Variants in RBPJ observed in about 807,000 individuals in gnomAD.
RBPJ encodes the protein recombination signal binding protein for immunoglobulin kappa J region.
Under a neutral mutation model 67.8 loss-of-function variants are expected in RBPJ, and 9 were observed. The observed-to-expected ratio is 0.13, with a 90% CI of 0.08 to 0.23. The LOEUF (loss-of-function observed/expected upper bound fraction) is 0.23. Among genes scored for constraint, RBPJ ranks in the 10% least tolerant of loss-of-function variants. RBPJ has a pLI of 1.00. For synonymous variants in RBPJ, 198 were observed against 203.3 expected (o/e 0.97, Z 0.22); for missense variants, 305 against 595.6 (o/e 0.51, Z 5.08).
intron 1 of RBPJ, among the ~76,000 whole-genome samples, chr4:26,231,356 A>G (rs1719276691): frequency 6.6e-6 from 1 of 151,806 alleles, no homozygotes; most frequent in Non-Finnish European, 1.5e-5. Context: ...AGAACATATG[A>G]TCCAAAAGGA....
chr4:26,194,855 A>G (rs1717694280), intron 1 of RBPJ, among the ~76,000 whole-genome samples: 1 of 152,148 alleles, frequency 6.6e-6, no homozygotes, highest in South Asian at 2.1e-4. Flanking sequence ...CTGGTTTTGC[A>G]CACCCTCCTA....
intron 1 of RBPJ, among the ~76,000 whole-genome samples, chr4:26,177,940 C>A (rs867079843): frequency 6.6e-6 from 1 of 152,206 alleles, no homozygotes; most frequent in African/African-American, 2.4e-5. Context: ...TTTAACCTAA[C>A]AAATCATAAA....
In RBPJ at chr4:26,430,132, G is replaced by C; in HGVS notation, c.1044+79G>C. 1.3e-6 allele frequency: 2 copies of C among 1,491,880 alleles called. No individual in the cohort carries two copies. The highest frequency in any genetic ancestry group is 1.9e-6 in the Non-Finnish European group (2 of 1,073,504). 92.4% of individuals were successfully genotyped at this position (1,491,880 alleles called of 1,614,324 possible). On this transcript the variant is annotated intron_variant, in intron 9 of 10. Coordinates refer to ENST00000355476, the MANE Select transcript of RBPJ (RefSeq NM_015874.6). The surrounding 1 kb of genome is among the most constrained non-coding windows in gnomAD (Gnocchi z 4.1). ...GTGACCTGGCATCATTTCATTTCAT[G>C]GGAGTTTTGATTTTTCTCCAATCGT... is the stretch of plus-strand genomic sequence containing the variant.
chr4:26,297,345 T>TGC (rs1342341014), intron 1 of RBPJ, among the ~76,000 whole-genome samples: 1 of 138,222 alleles, frequency 7.2e-6, no homozygotes, highest in Admixed American at 8.3e-5. Flanking sequence ...TGTGTGTGTG[T>TGC]GTGTGTGTGT....
At chr4:26,387,981 C>A (rs2725325) in intron 2 of RBPJ, among the ~76,000 whole-genome samples, 83,737 of 151,836 alleles carry the variant, frequency 0.55, 23,347 homozygotes, top group Admixed American at 0.65. Context: ...TACCAGAACA[C>A]AGCTCAAGAA....
chr4:26,285,743 G>C (rs1407043932), intron 1 of RBPJ, among the ~76,000 whole-genome samples: 1 of 141,734 alleles, frequency 7.1e-6, no homozygotes, highest in African/African-American at 2.8e-5. Flanking sequence ...GTTTCCTGAA[G>C]CATCTTCCAA....
the RBPJ span, among the ~76,000 whole-genome samples, chr4:26,145,965 T>G: frequency 6.6e-6 from 1 of 152,154 alleles, no homozygotes; most frequent in African/African-American, 2.4e-5. Flanking sequence ...AGAGACAGGA[T>G]CTCACTCTGC....
chr4:26,343,739 CTTTTTT>C (rs71186404), intron 1 of RBPJ, among the ~76,000 whole-genome samples: 14 of 55,834 alleles, frequency 2.5e-4, no homozygotes, highest in Admixed American at 1.6e-3. Flanking sequence ...TTTCTTTCTT[CTTTTTT>C]TTTTTTTTTT....
intron 1 of RBPJ, among the ~76,000 whole-genome samples, chr4:26,270,122 C>T (rs1720829970): frequency 6.6e-6 from 1 of 151,258 alleles, no homozygotes; most frequent in South Asian, 2.1e-4. Context: ...CCTCTACTAA[C>T]AATACAAAGC....
At chr4:26,385,699 T>C (rs1464884561) in intron 1 of RBPJ, among the ~76,000 whole-genome samples, 1 of 152,196 alleles carries the variant, frequency 6.6e-6, no homozygotes, top group Admixed American at 6.5e-5. Context: ...TTTGTGACAT[T>C]GGGCTTGTTG....
intron 1 of RBPJ, among the ~76,000 whole-genome samples, chr4:26,262,930 T>C (rs571438949): frequency 6.6e-6 from 1 of 152,336 alleles, no homozygotes; most frequent in East Asian, 1.9e-4. Context: ...TTACCATTCA[T>C]TTATGTTTCA....
chr4:26,393,655 G>A (rs1412172583), intron 2 of RBPJ, among the ~76,000 whole-genome samples: 2 of 152,212 alleles, frequency 1.3e-5, no homozygotes, highest in South Asian at 2.1e-4. Context: ...GATTACAGGC[G>A]AGAGCCACCA....
intron 2 of RBPJ, among the ~76,000 whole-genome samples, chr4:26,402,981 C>T (rs1461703690): frequency 6.6e-6 from 1 of 152,198 alleles, no homozygotes; most frequent in Non-Finnish European, 1.5e-5. Flanking sequence ...TTCCTGTCCC[C>T]TACTATCTTC....
chr4:26,187,867 CA>C (rs1013483540), intron 1 of RBPJ, among the ~76,000 whole-genome samples: 8 of 147,526 alleles, frequency 5.4e-5, no homozygotes, highest in Admixed American at 6.8e-5. Context: ...ACTAAAAATA[CA>C]AAAAAAAAAT....
At chr4:26,293,916 C>T (rs1173869108) in intron 1 of RBPJ, among the ~76,000 whole-genome samples, 1 of 151,978 alleles carries the variant, frequency 6.6e-6, no homozygotes, top group Non-Finnish European at 1.5e-5. Flanking sequence ...TGCCACCACA[C>T]TCAGCTAATT....
Position 26,409,960 on chromosome 4 carries a change from G to A in RBPJ, c.155+3690G>A, listed in dbSNP as rs73810229. The A allele has an allele frequency of 2.1e-3, 893 of 420,332 alleles. 12 individuals are homozygous for A. The highest frequency in any genetic ancestry group is 0.018 in the African/African-American group (844 of 47,994). 26.0% of individuals were successfully genotyped at this position (420,332 alleles called of 1,614,324 possible). On this transcript the variant is annotated intron_variant, in intron 3 of 10. Transcript: ENST00000355476. ...TCCTATATTTTTACTGATTTGTATT[G>A]TTAAAAATTTCAAAGTAGACCTGCA...
chr4:26,221,799 C>T (rs1233804931), intron 1 of RBPJ, among the ~76,000 whole-genome samples: 1 of 152,114 alleles, frequency 6.6e-6, no homozygotes, highest in Non-Finnish European at 1.5e-5. Context: ...AATAGCTAGA[C>T]GAGAATAATT....
chr4:26,270,700 A>C (rs1720890967), intron 1 of RBPJ, among the ~76,000 whole-genome samples: 1 of 151,928 alleles, frequency 6.6e-6, no homozygotes, highest in Non-Finnish European at 1.5e-5. Flanking sequence ...TCCAGTTAGC[A>C]TGGAGGGTTT....
intron 1 of RBPJ, among the ~76,000 whole-genome samples, chr4:26,193,902 C>T (rs1267965865): frequency 6.6e-6 from 1 of 152,216 alleles, no homozygotes; most frequent in Non-Finnish European, 1.5e-5. Context: ...TTCCCATTCT[C>T]TGGTCCTACC....
Sources: gnomAD v4.1 joint callset for allele counts (sites outside exome capture counted in the v4.1 genomes callset) on GRCh38, gnomAD v4.1.1 for gene constraint, Gnocchi (gnomAD v3.1) non-coding constraint, MANE v1.5 for transcripts, NCBI Gene and HGNC (gene_info 2026-07-23, HGNC 2026-07-21) for gene names.